MEF2B: variants seen among roughly 807,000 people sequenced by gnomAD.
The protein encoded by MEF2B is myocyte enhancer factor 2B.
MEF2B carries 15 observed loss-of-function variants against 32.2 expected under a neutral mutation model. That is an observed-to-expected ratio of 0.47 (90% CI 0.31 to 0.72). The LOEUF is 0.72. Among genes scored for constraint, MEF2B ranks in the 30% least tolerant of loss-of-function variants. The probability of loss-of-function intolerance (pLI) is 0.05; values close to 1 mark genes in which losing one functional copy is unlikely to be tolerated. For synonymous variants in MEF2B, 205 were observed against 225.6 expected (o/e 0.91, Z 0.82); for missense variants, 441 against 511.5 (o/e 0.86, Z 1.33).
Position 19,145,941 on chromosome 19 carries a change from C to T in MEF2B, c.963G>A (p.Glu321=). Residue 321 remains glutamate, a synonymous_variant, in exon 9 of 9, where the codon GAG becomes GAA. Coordinates refer to ENST00000424583, the MANE Select transcript of MEF2B (RefSeq NM_001145785.2). This position sits in a 1 kb window ranked among gnomAD's most constrained non-coding sequence, Gnocchi z 4.6. ...PPTPPVSIKS[E]RLSPAPGGPG... ...GGCCCCCGGGGGCCGGAGAGAGGCG[C>T]TCAGACTTGATGCTGACTGGGGGGG... is the stretch of plus-strand genomic sequence containing the variant. 1 of 1,445,250 alleles carries T rather than the reference C, an allele frequency of 6.9e-7. No homozygotes were observed. The allele number at this position is 1,445,250 out of a possible 1,614,324, so 89.5% of individuals were successfully genotyped here. A position where few individuals can be genotyped will look rare whatever the true frequency, so the allele number is the denominator to read the frequency against.
intron 1 of MEF2B, among the ~76,000 whole-genome samples, chr19:19,155,309 A>G (rs1455757672): frequency 6.6e-6 from 1 of 151,986 alleles, no homozygotes; most frequent in Non-Finnish European, 1.5e-5. Flanking sequence ...TCCTATCCAA[A>G]CGTCAAAACC....
intron 1 of MEF2B, among the ~76,000 whole-genome samples, chr19:19,155,358 C>T (rs1402410306): frequency 1.3e-5 from 2 of 152,222 alleles, no homozygotes; most frequent in Non-Finnish European, 2.9e-5. Flanking sequence ...GTCCTCCCTG[C>T]CATTCTTCTG....
intron 1 of MEF2B, among the ~76,000 whole-genome samples, chr19:19,151,916 A>G (rs923096705): frequency 6.0e-5 from 9 of 149,818 alleles, no homozygotes; most frequent in Non-Finnish European, 1.3e-4. Context: ...TGAGATCAGG[A>G]GTTCGAGACC....
chr19:19,147,917 C>A (rs1568546166), intron 3 of MEF2B, 85 bp from the exon 4 acceptor site: 1 of 1,513,256 alleles, frequency 6.6e-7, no homozygotes, highest in East Asian at 2.3e-5. Flanking sequence ...GACAGACCAT[C>A]CCCACCCAGC....
intron 1 of MEF2B, among the ~76,000 whole-genome samples, chr19:19,154,567 C>G (rs533107358): frequency 6.6e-6 from 1 of 152,314 alleles, no homozygotes; most frequent in Non-Finnish European, 1.5e-5. Context: ...CTTCAGCCTC[C>G]CAAGTAGCTG....
At chr19:19,146,459 CA>C in intron 7 of MEF2B, 75 bp from the exon 8 acceptor site, 13 of 1,326,184 alleles carry the variant, frequency 9.8e-6, no homozygotes, top group Non-Finnish European at 1.3e-5. Flanking sequence ...CCCCCAGTGA[CA>C]GTTTTGAGTT....
chr19:19,161,349 C>T (rs1036547813), intron 1 of MEF2B, among the ~76,000 whole-genome samples: 8 of 151,970 alleles, frequency 5.3e-5, no homozygotes, highest in East Asian at 1.9e-4. Context: ...TCCCCACACA[C>T]GGAGACCCCC....
chr19:19,158,699 A>C (rs2060137779), intron 1 of MEF2B, among the ~76,000 whole-genome samples: 1 of 151,296 alleles, frequency 6.6e-6, no homozygotes, highest in Admixed American at 6.6e-5. Flanking sequence ...TGGAGGTTGC[A>C]GTGAGCCAAG....
chr19:19,157,448 C>T (rs2060127678), intron 1 of MEF2B, among the ~76,000 whole-genome samples: 1 of 152,208 alleles, frequency 6.6e-6, no homozygotes, highest in African/African-American at 2.4e-5. Context: ...CTGCACACAA[C>T]CACGTGGATG....
chr19:19,154,064 T>C (rs1385400604), intron 1 of MEF2B, among the ~76,000 whole-genome samples: 2 of 151,970 alleles, frequency 1.3e-5, no homozygotes, highest in Non-Finnish European at 2.9e-5. Context: ...ACTGTGGGCC[T>C]TCTGAGCTGG....
chr19:19,166,899 A>G (rs2060213136), intron 1 of MEF2B, among the ~76,000 whole-genome samples: 1 of 152,074 alleles, frequency 6.6e-6, no homozygotes, highest in African/African-American at 2.4e-5. Context: ...CCTTGTCTCT[A>G]TAAATAAATA....
intron 1 of MEF2B, among the ~76,000 whole-genome samples, chr19:19,159,312 T>A (rs2060142615): frequency 6.6e-6 from 1 of 150,566 alleles, no homozygotes; most frequent in South Asian, 2.1e-4. Flanking sequence ...TCCCAGCTAC[T>A]TGGGAGGCTG....
chr19:19,167,299 C>T (rs10854008), intron 1 of MEF2B, among the ~76,000 whole-genome samples: 73,804 of 147,358 alleles, frequency 0.5, 18,513 homozygotes, highest in East Asian at 0.58. Flanking sequence ...TGCAGTGAGC[C>T]GAGATTGTGC....
At chr19:19,163,352 G>A (rs147446157) in intron 1 of MEF2B, among the ~76,000 whole-genome samples, 2 of 151,952 alleles carry the variant, frequency 1.3e-5, no homozygotes, top group Non-Finnish European at 1.5e-5. Context: ...GTCTCCCTGT[G>A]TTGCCCAGGC....
intron 1 of MEF2B, among the ~76,000 whole-genome samples, chr19:19,152,364 G>A (rs1467733714): frequency 2.3e-5 from 3 of 133,034 alleles, no homozygotes; most frequent in African/African-American, 8.6e-5. Flanking sequence ...CTGGGTGATA[G>A]AGCAAGACTC....
At chr19:19,163,967 C>A (rs1168147841) in intron 1 of MEF2B, among the ~76,000 whole-genome samples, 1 of 152,064 alleles carries the variant, frequency 6.6e-6, no homozygotes, top group South Asian at 2.1e-4. Context: ...CCACACCCAG[C>A]CCTACTTGTT....
intron 1 of MEF2B, among the ~76,000 whole-genome samples, chr19:19,169,102 C>G (rs1416296252): frequency 6.7e-6 from 1 of 150,054 alleles, no homozygotes; most frequent in Non-Finnish European, 1.5e-5. Flanking sequence ...CCTGTAATCC[C>G]AGCACTTTGG....
intron 1 of MEF2B, among the ~76,000 whole-genome samples, chr19:19,156,229 A>C (rs2060119374): frequency 6.6e-6 from 1 of 152,152 alleles, no homozygotes; most frequent in Non-Finnish European, 1.5e-5. Flanking sequence ...CAACCATAGA[A>C]GATTAGAAAG....
At position 19,158,485 on chromosome 19, in the gene MEF2B, C is replaced by T. The variant is rs144247069; in HGVS notation, c.-29-7721G>A. Among the ~76,000 whole-genome samples, 1,420 of 145,948 alleles carry T rather than the reference C, an allele frequency of 9.7e-3. 25 individuals carry two copies. Among genetic ancestry groups the T allele is most frequent in the African/African-American group, 0.034 (1,349 of 39,644 alleles). ...AAACAAACTAGGGCCAGGCCAGGCA[C>T]GGTGGCTCACGCCTGTAATCCCAGT... On this transcript the variant is annotated intron_variant, in intron 1 of 8. Transcript: ENST00000424583.
Sources: allele counts gnomAD v4.1 joint callset (sites outside exome capture counted in the v4.1 genomes callset), GRCh38; gene constraint gnomAD v4.1.1; non-coding constraint Gnocchi (gnomAD v3.1); transcripts MANE v1.5; gene names NCBI Gene and HGNC (gene_info 2026-07-23, HGNC 2026-07-21).